The following DGKB variants were observed in gnomAD, a reference collection of about 807,000 sequenced individuals.
DGKB encodes the protein diacylglycerol kinase beta.
Under a neutral mutation model 114.3 loss-of-function variants are expected in DGKB, and 67 were observed. That is an observed-to-expected ratio of 0.59 (90% CI 0.48 to 0.72). The LOEUF is 0.72. Ranked by LOEUF, DGKB falls within the 30% of genes least tolerant of loss-of-function variation. The pLI is 0.00. For missense variants in DGKB, 907 were observed against 975.2 expected, an observed-to-expected ratio of 0.93 and a Z score of 0.93; for synonymous variants, 398 against 323.1, an observed-to-expected ratio of 1.23 and a Z score of -2.49.
intron 17 of DGKB, among the ~76,000 whole-genome samples, chr7:14,601,860 A>G (rs1404228893): frequency 6.6e-6 from 1 of 152,126 alleles, no homozygotes; most frequent in Non-Finnish European, 1.5e-5. Context: ...ATTTCTAGCA[A>G]CATTTTGTTC....
At chr7:14,160,356 G>C (rs10274071) in intron 25 of DGKB, among the ~76,000 whole-genome samples, 8,575 of 152,172 alleles carry the variant, frequency 0.056, 508 homozygotes, top group African/African-American at 0.14. Context: ...CAGATGACAT[G>C]ATTGTATATT....
rs796346993 is a variant in DGKB, at chr7:14,647,581, AC to A, written c.1135-17314del. On this transcript the variant is annotated intron_variant, in intron 13 of 25. Coordinates refer to ENST00000402815, the MANE Select transcript of DGKB (RefSeq NM_001350709.2). ...ATGAATATGGGTGTAAAAATCCTCTACCAAATAATAGCAAAGCAAATTCAAC... is the reference window on the plus strand; with the variant it reads ...ATGAATATGGGTGTAAAAATCCTCTACAAATAATAGCAAAGCAAATTCAAC... 4.6e-5 allele frequency among the ~76,000 whole-genome samples: 7 copies of A among 152,156 alleles called. No homozygotes were observed. The East Asian group carries it at 1.4e-3, about 30-fold the overall frequency.
At chr7:14,243,384 C>G (rs1793967644) in intron 23 of DGKB, among the ~76,000 whole-genome samples, 1 of 152,118 alleles carries the variant, frequency 6.6e-6, no homozygotes, top group African/African-American at 2.4e-5. Flanking sequence ...GTGATAAAAA[C>G]TTGTGGTGAG....
At chr7:14,600,542 T>C (rs1036673902) in intron 17 of DGKB, among the ~76,000 whole-genome samples, 44 of 152,254 alleles carry the variant, frequency 2.9e-4, no homozygotes, top group African/African-American at 1.0e-3. Flanking sequence ...CCAGGTACAA[T>C]TTATTTTGAG....
intron 21 of DGKB, among the ~76,000 whole-genome samples, chr7:14,419,693 G>C (rs1179725642): frequency 6.6e-6 from 1 of 151,610 alleles, no homozygotes; most frequent in Non-Finnish European, 1.5e-5. Flanking sequence ...TCATGAGCAG[G>C]AAACAGTGAA....
At chr7:14,519,110 C>T (rs1789322419) in intron 20 of DGKB, among the ~76,000 whole-genome samples, 1 of 152,016 alleles carries the variant, frequency 6.6e-6, no homozygotes, top group South Asian at 2.1e-4. Flanking sequence ...ATGTATGTAT[C>T]ATAAAATTCA....
intron 21 of DGKB, among the ~76,000 whole-genome samples, chr7:14,460,584 G>A (rs1257528948): frequency 6.6e-6 from 1 of 151,842 alleles, no homozygotes; most frequent in Non-Finnish European, 1.5e-5. Context: ...ATCCAATACA[G>A]GGGGACGCAG....
chr7:14,231,116 TTTCTTTCTTTCTTTCTTTC>T (rs1162937669), intron 23 of DGKB, among the ~76,000 whole-genome samples: 15 of 129,964 alleles, frequency 1.2e-4, no homozygotes, highest in Non-Finnish European at 2.3e-4. Flanking sequence ...TCTTTCTTTC[TTTCTTTCTTTCTTTCTTTC>T]TTTCTTTCTT....
At chr7:14,233,332 C>G (rs974653300) in intron 23 of DGKB, among the ~76,000 whole-genome samples, 1 of 152,082 alleles carries the variant, frequency 6.6e-6, no homozygotes, top group African/African-American at 2.4e-5. Flanking sequence ...ATGTCAAAGT[C>G]TCTCTGTCTC....
chr7:14,290,951 G>A (rs1322067695), intron 23 of DGKB, among the ~76,000 whole-genome samples: 1 of 151,710 alleles, frequency 6.6e-6, no homozygotes, highest in Non-Finnish European at 1.5e-5. Context: ...AGACAAGCCT[G>A]GCCAACCTGG....
At chr7:14,670,513 A>AG (rs760545352) in intron 13 of DGKB, among the ~76,000 whole-genome samples, 41 of 151,434 alleles carry the variant, frequency 2.7e-4, no homozygotes, top group Admixed American at 5.3e-4. Context: ...CATGTTGGCC[A>AG]GGGGGGGTCT....
chr7:14,702,337 A>G (rs1343180601), intron 6 of DGKB, among the ~76,000 whole-genome samples: 1 of 152,128 alleles, frequency 6.6e-6, no homozygotes, highest in African/African-American at 2.4e-5. Flanking sequence ...GCGGAGTGCA[A>G]AATAACAGGT....
intron 16 of DGKB, among the ~76,000 whole-genome samples, chr7:14,612,132 T>C (rs969042223): frequency 1.7e-4 from 25 of 149,830 alleles, no homozygotes; most frequent in African/African-American, 1.9e-4. Context: ...TATATACTGA[T>C]GAAAAGAAAA....
At chr7:14,217,790 G>T (rs1394618662) in intron 23 of DGKB, among the ~76,000 whole-genome samples, 1 of 152,008 alleles carries the variant, frequency 6.6e-6, no homozygotes, top group African/African-American at 2.4e-5. Context: ...GAATGTACCG[G>T]TGCTTGATAG....
At chr7:14,481,161 T>C (rs1452983646) in intron 20 of DGKB, among the ~76,000 whole-genome samples, 1 of 152,000 alleles carries the variant, frequency 6.6e-6, no homozygotes, top group Admixed American at 6.6e-5. Context: ...CAAATATATG[T>C]ATATAGAATA....
intron 13 of DGKB, among the ~76,000 whole-genome samples, chr7:14,646,080 T>C (rs1038051064): frequency 6.6e-6 from 1 of 152,188 alleles, no homozygotes; most frequent in Non-Finnish European, 1.5e-5. Flanking sequence ...TTTGGCTGAA[T>C]GGATTAAAAA....
At chr7:14,284,885 T>G in intron 23 of DGKB, among the ~76,000 whole-genome samples, 1 of 134,770 alleles carries the variant, frequency 7.4e-6, no homozygotes, top group Non-Finnish European at 1.6e-5. Context: ...GGGGGAGGGA[T>G]AGCATTGGGA....
chr7:14,871,705 A>G (rs1412567480), intron 1 of DGKB, among the ~76,000 whole-genome samples: 1 of 152,128 alleles, frequency 6.6e-6, no homozygotes, highest in Admixed American at 6.6e-5. Context: ...CATCTATCAA[A>G]TCATTAATAA....
chr7:14,667,221 A>C (rs1045304800), intron 13 of DGKB, among the ~76,000 whole-genome samples: 2 of 151,954 alleles, frequency 1.3e-5, no homozygotes, highest in Admixed American at 6.6e-5. Flanking sequence ...GGGTGGTACA[A>C]ATTTTTTTTA....
Sources: gnomAD v4.1 joint callset for allele counts (sites outside exome capture counted in the v4.1 genomes callset) on GRCh38, gnomAD v4.1.1 for gene constraint, MANE v1.5 for transcripts, NCBI Gene and HGNC (gene_info 2026-07-23, HGNC 2026-07-21) for gene names.